CA12: variants seen among roughly 807,000 people sequenced by gnomAD.
CA12 encodes carbonate dehydratase XII.
A neutral mutation model predicts 46.8 loss-of-function variants in CA12; 36 were observed. The observed-to-expected ratio is 0.77, with a 90% confidence interval of 0.59 to 1.02. The LOEUF is 1.02. Among genes scored for constraint, CA12 ranks in the 50% least tolerant of loss-of-function variants. CA12 has a pLI of 0.00. For missense variants in CA12, 436 were observed against 451.4 expected (o/e 0.97, Z 0.31); for synonymous variants, 202 against 187.0 (o/e 1.08, Z -0.65).
chr15:63,339,570 G>A lies in CA12; in HGVS notation c.748-625C>T, dbSNP rs1191244513. On this transcript the variant is annotated intron_variant, in intron 7 of 10. Transcript: ENST00000178638. The surrounding 1 kb of genome is among the most constrained non-coding windows in gnomAD (Gnocchi z 4.3). ...GCCATTTACCAGGTGACTCAGAGCA[G>A]AAGCTTACTGTAAAGAGGAGCAGCT... is the stretch of plus-strand genomic sequence containing the variant. 6.6e-6 allele frequency among the ~76,000 whole-genome samples: 1 copy of A among 152,242 alleles called. No homozygotes were observed. The highest frequency in any genetic ancestry group is 2.4e-5 in the African/African-American group (1 of 41,468).
Position 63,352,294 on chromosome 15 carries a change from C to T in CA12, c.107-5585G>A, listed in dbSNP as rs188853691. Among the ~76,000 whole-genome samples the T allele has an allele frequency of 1.2e-4, 18 of 152,300 alleles. No homozygotes were observed. In the East Asian group the frequency reaches 2.1e-3, roughly 18 times the overall value. On this transcript the variant is annotated intron_variant, in intron 2 of 10. Coordinates refer to ENST00000178638, the MANE Select transcript of CA12 (RefSeq NM_001218.5). ...CTGGTCTCAGACTCCTGACCTAAAG[C>T]GATCCACCTGCCTTGGCCTCCCAAA...
At position 63,378,337 on chromosome 15, in the gene CA12, G is replaced by A. The variant is rs558678592; in HGVS notation, c.86-2659C>T. On this transcript the variant is annotated intron_variant, in intron 1 of 10. Coordinates refer to ENST00000178638, the MANE Select transcript of CA12 (RefSeq NM_001218.5). This position sits in a 1 kb window ranked among gnomAD's most constrained non-coding sequence, Gnocchi z 4.8. ...CGGGAGGCGGAGGTTGCAGTGAGCT[G>A]AGATTGTGCCATTGCACTCCAGAAT... 8.5e-5 allele frequency among the ~76,000 whole-genome samples: 13 copies of A among 152,242 alleles called. 1 individual carries two copies. The highest frequency in any genetic ancestry group is 8.5e-4 in the Admixed American group (13 of 15,290).
chr15:63,334,471 G>C (rs1182147504), intron 8 of CA12, among the ~76,000 whole-genome samples: 1 of 151,234 alleles, frequency 6.6e-6, no homozygotes, highest in African/African-American at 2.4e-5. Context: ...TGGCCAGGCT[G>C]GTCTCGAACT....
At chr15:63,376,766 C>G (rs1347285690) in intron 1 of CA12, among the ~76,000 whole-genome samples, 1 of 151,886 alleles carries the variant, frequency 6.6e-6, no homozygotes, top group East Asian at 1.9e-4. Context: ...CCTCAGCCTC[C>G]CTAGTAGCTG....
rs2039181235 is a variant in CA12 at position 63,348,365 on chromosome 15, G to C, written c.107-1656C>G. The stretch of plus-strand genomic sequence containing the variant: ...AAGAGGGAGGCTGGAGGATATCAAA[G>C]CAGGCACTCCAGGGCCAAACTGGAG... On this transcript the variant is annotated intron_variant, in intron 2 of 10. Coordinates refer to ENST00000178638, the MANE Select transcript of CA12 (RefSeq NM_001218.5). The surrounding 1 kb of genome is among the most constrained non-coding windows in gnomAD (Gnocchi z 4.6). Among the ~76,000 whole-genome samples, 1 of 152,170 alleles carries C rather than the reference G, an allele frequency of 6.6e-6. No individual in the cohort carries two copies. The highest frequency in any genetic ancestry group is 1.5e-5 in the Non-Finnish European group (1 of 68,030).
intron 8 of CA12, among the ~76,000 whole-genome samples, chr15:63,338,038 C>T (rs1399986201): frequency 6.6e-6 from 1 of 152,162 alleles, no homozygotes; most frequent in Non-Finnish European, 1.5e-5. Context: ...GTGTGGGCCC[C>T]AAAAGTGCTC....
At position 63,373,666 on chromosome 15, in the gene CA12, A is replaced by G. The variant is rs2039535570; in HGVS notation, c.106+1992T>C. On this transcript the variant is annotated intron_variant, in intron 2 of 10. Coordinates refer to ENST00000178638, the MANE Select transcript of CA12 (RefSeq NM_001218.5). This position sits in a 1 kb window ranked among gnomAD's most constrained non-coding sequence, Gnocchi z 4.9. ...TCCCTCCCTTTCCCAGGTCTAGCCC[A>G]AGGCCTAGAAATCTGCATTTTGGGG... is the stretch of plus-strand genomic sequence containing the variant. 6.6e-6 allele frequency among the ~76,000 whole-genome samples: 1 copy of G among 152,204 alleles called. No homozygotes were observed.
chr15:63,350,537 C>T (rs1450065822), intron 2 of CA12, among the ~76,000 whole-genome samples: 4 of 152,216 alleles, frequency 2.6e-5, no homozygotes, highest in African/African-American at 9.7e-5. Flanking sequence ...GTGTCTTTCA[C>T]AGTTTGTTTT....
chr15:63,350,103 C>T (rs1221919380), intron 2 of CA12, among the ~76,000 whole-genome samples: 1 of 152,172 alleles, frequency 6.6e-6, no homozygotes, highest in East Asian at 1.9e-4. Flanking sequence ...CAAGGAAGTT[C>T]ATAGGGCCCT....
Position 63,340,096 on chromosome 15 carries a change from T to C in CA12, c.747+192A>G. 1 of 675,222 alleles carries C rather than the reference T, an allele frequency of 1.5e-6. No homozygotes were observed. The allele number at this position is 675,222 out of a possible 1,614,324, so 41.8% of individuals were successfully genotyped here. On this transcript the variant is annotated intron_variant, in intron 7 of 10. Coordinates refer to ENST00000178638, the MANE Select transcript of CA12 (RefSeq NM_001218.5). The surrounding 1 kb of genome is among the most constrained non-coding windows in gnomAD (Gnocchi z 4.4). ...AAGAACTAGGAGACATCTATTCATTTGCCTAGCTTGACTTCTTTTGAAGCT... is the reference window on the plus strand; with the variant it reads ...AAGAACTAGGAGACATCTATTCATTCGCCTAGCTTGACTTCTTTTGAAGCT...
At chr15:63,338,687 G>T in intron 8 of CA12, 132 bp downstream of exon 8, 1 of 1,216,224 alleles carries the variant, frequency 8.2e-7, no homozygotes, top group South Asian at 1.2e-5. Flanking sequence ...AAGGCGCCTG[G>T]TTCCCGTGGC....
Position 63,340,202 on chromosome 15 carries a change from G to A in CA12, c.747+86C>T. The stretch of plus-strand genomic sequence containing the variant: ...AAGAGCTGCCAATGAAACTAAATGA[G>A]GAAATCAAGTCATTGATTGTGATAT... On this transcript the variant is annotated intron_variant, in intron 7 of 10. Transcript: ENST00000178638. This position sits in a 1 kb window ranked among gnomAD's most constrained non-coding sequence, Gnocchi z 4.4. 6.9e-7 allele frequency: 1 copy of A among 1,443,566 alleles called. No individual in the cohort carries two copies. The highest frequency in any genetic ancestry group is 9.7e-7 in the Non-Finnish European group (1 of 1,030,150). 89.4% of individuals were successfully genotyped at this position (1,443,566 alleles called of 1,614,324 possible). A position where few individuals can be genotyped will look rare whatever the true frequency, so the allele number is the denominator to read the frequency against.
At chr15:63,366,110 C>T (rs2039432106) in intron 2 of CA12, among the ~76,000 whole-genome samples, 1 of 141,968 alleles carries the variant, frequency 7.0e-6, no homozygotes, top group Non-Finnish European at 1.5e-5. Context: ...CCCTGCACTC[C>T]AGCCTGGGTG....
Position 63,371,418 on chromosome 15 carries a change from C to A in CA12, c.106+4240G>T, listed in dbSNP as rs115086673. 3.7e-3 allele frequency among the ~76,000 whole-genome samples: 558 copies of A among 152,326 alleles called. 3 individuals are homozygous for A. The highest frequency in any genetic ancestry group is 0.012 in the African/African-American group (496 of 41,562). On this transcript the variant is annotated intron_variant, in intron 2 of 10. Coordinates refer to ENST00000178638, the MANE Select transcript of CA12 (RefSeq NM_001218.5). ...AGAGCCGAGGGCCACGAGGGCTGGC[C>A]TGCCGCAACAGAGAACTGGGCAGGC...
intron 8 of CA12, among the ~76,000 whole-genome samples, chr15:63,337,740 C>G (rs2039021760): frequency 6.6e-6 from 1 of 152,194 alleles, no homozygotes; most frequent in African/African-American, 2.4e-5. Flanking sequence ...CCGTGCCCGG[C>G]TAATTTTTGT....
rs749540145 is a variant in CA12 at position 63,355,081 on chromosome 15, G to A, written c.107-8372C>T. Among the ~76,000 whole-genome samples the A allele has an allele frequency of 6.6e-5, 10 of 151,802 alleles. No homozygotes were observed. Among genetic ancestry groups the A allele is most frequent in the Non-Finnish European group, 1.3e-4 (9 of 67,864 alleles). On this transcript the variant is annotated intron_variant, in intron 2 of 10. Transcript: ENST00000178638. The surrounding 1 kb of genome is among the most constrained non-coding windows in gnomAD (Gnocchi z 4.1). ...TTCTCCATTTCTAACCTCCTCTTAG[G>A]TTCTCATGACCTGTGACCTTAGAGT...
In CA12 at chr15:63,322,922, T is replaced by G. The variant is rs188153592; in HGVS notation, c.*3363A>C. ...TCACCTCTCTCAGGCTTAGGGTGAT[T>G]ATAGTGAAAATTGGATGCTTTTCTA... On this transcript the variant is annotated 3_prime_UTR_variant, in exon 11 of 11. Coordinates refer to ENST00000178638, the MANE Select transcript of CA12 (RefSeq NM_001218.5). This position sits in a 1 kb window ranked among gnomAD's most constrained non-coding sequence, Gnocchi z 4.1. The G allele has an allele frequency of 6.0e-4, 91 of 152,346 alleles. No individual in the cohort carries two copies. Among genetic ancestry groups the G allele is most frequent in the African/African-American group, 2.0e-3 (83 of 41,572 alleles). 9.4% of individuals were successfully genotyped at this position (152,346 alleles called of 1,614,324 possible).
At chr15:63,346,508 G>C in intron 3 of CA12, 22 bp downstream of exon 3, 1 of 1,611,474 alleles carries the variant, frequency 6.2e-7, no homozygotes, top group Non-Finnish European at 8.5e-7. Context: ...TACCCCTCAG[G>C]TCTCCAAGGC....
In CA12 at chr15:63,328,164, T is replaced by C; in HGVS notation, c.875-34A>G. 2 of 1,606,176 alleles carry C rather than the reference T, an allele frequency of 1.2e-6. No homozygotes were observed. The highest frequency in any genetic ancestry group is 8.5e-7 in the Non-Finnish European group (1 of 1,172,862). ...GGGAGAGGAAAAGACGAGGTTACTCTAGAGTCAAACCACACTGGATTTGAG... is the reference window on the plus strand; with the variant it reads ...GGGAGAGGAAAAGACGAGGTTACTCCAGAGTCAAACCACACTGGATTTGAG... On this transcript the variant is annotated intron_variant, in intron 8 of 10. Transcript: ENST00000178638. The surrounding 1 kb of genome is among the most constrained non-coding windows in gnomAD (Gnocchi z 5.9).
Sources: allele counts gnomAD v4.1 joint callset (sites outside exome capture counted in the v4.1 genomes callset), GRCh38; gene constraint gnomAD v4.1.1; non-coding constraint Gnocchi (gnomAD v3.1); transcripts MANE v1.5; gene names NCBI Gene and HGNC (gene_info 2026-07-23, HGNC 2026-07-21).